The following NAV3 variants were observed in gnomAD, a reference collection of about 807,000 sequenced individuals.
The protein encoded by NAV3 is pore membrane and/or filament interacting like protein 1.
In NAV3, 87 loss-of-function variants were observed where a neutral mutation model predicts 244.7. That is an observed-to-expected ratio of 0.36 (90% CI 0.30 to 0.42). NAV3 has a LOEUF of 0.42. Ranked by LOEUF, NAV3 falls within the 20% of genes least tolerant of loss-of-function variation. The pLI is 1.00. For synonymous variants in NAV3, 1,126 were observed against 1,042.2 expected, an observed-to-expected ratio of 1.08 and a Z score of -1.55; for missense variants, 2,663 against 2,893.3, an observed-to-expected ratio of 0.92 and a Z score of 1.83.
intron 8 of NAV3, chr12:78,010,950 A>G (rs575936379): frequency 6.6e-6 from 1 of 152,142 alleles, no homozygotes; most frequent in South Asian, 2.1e-4. Flanking sequence ...AAGTTAATAG[A>G]TTTCCTATTA....
chr12:78,155,749 CT>C (rs991930874), intron 22 of NAV3, among the ~76,000 whole-genome samples: 10 of 151,468 alleles, frequency 6.6e-5, no homozygotes, highest in African/African-American at 1.2e-4. Flanking sequence ...TGATGTTACC[CT>C]TTTTTTTATA....
At chr12:77,765,230 C>T (rs973291554) in intron 2 of NAV3, among the ~76,000 whole-genome samples, 1 of 152,178 alleles carries the variant, frequency 6.6e-6, no homozygotes, top group Admixed American at 6.5e-5. Context: ...ACCCTTTTGC[C>T]AGCCACTTTG....
rs1355181839 is a variant in NAV3 at position 77,997,244 on chromosome 12, A to G, written c.741-1093A>G. ...CAGAGTGACACCCTGTCTCAAAAAA[A>G]AAAAAAAAAAAAAAAAAGAATGTCA... On this transcript the variant is annotated intron_variant, in intron 6 of 39. Coordinates refer to ENST00000397909, the MANE Select transcript of NAV3 (RefSeq NM_001024383.2). Among the ~76,000 whole-genome samples the G allele has an allele frequency of 2.7e-4, 41 of 151,084 alleles. No individual in the cohort carries two copies. The East Asian group carries it at 7.2e-3, about 26-fold the overall frequency.
intron 36 of NAV3, 31 bp downstream of exon 36, chr12:78,198,707 GT>G (rs112390179): frequency 1.0e-5 from 6 of 589,066 alleles, no homozygotes; most frequent in African/African-American, 6.0e-5. Context: ...TTTTTGTTTT[GT>G]TTTTTTGTTT....
chr12:77,724,071 GTAAA>G (rs1876767301), intron 2 of NAV3, among the ~76,000 whole-genome samples: 1 of 151,694 alleles, frequency 6.6e-6, no homozygotes, highest in Admixed American at 6.6e-5. Context: ...AGTTTACTGT[GTAAA>G]TAAATGAGAT....
At chr12:78,134,990 C>T (rs546294138) in intron 18 of NAV3, among the ~76,000 whole-genome samples, 3 of 152,062 alleles carry the variant, frequency 2.0e-5, no homozygotes, top group East Asian at 3.9e-4. Flanking sequence ...CTCTTGGCTT[C>T]GAATGGATCT....
At chr12:77,688,397 T>C (rs920213971) in intron 2 of NAV3, among the ~76,000 whole-genome samples, 5 of 152,054 alleles carry the variant, frequency 3.3e-5, no homozygotes, top group African/African-American at 1.2e-4. Flanking sequence ...TACTTTTTTA[T>C]TGTCTACTTT....
intron 2 of NAV3, among the ~76,000 whole-genome samples, chr12:77,808,043 C>G (rs537268421): frequency 5.2e-4 from 79 of 152,288 alleles, no homozygotes; most frequent in African/African-American, 1.9e-3. Flanking sequence ...TTATGTTCTT[C>G]TCTCAACTGG....
rs1350161105 is a variant in NAV3, at chr12:77,691,329, G to GTATATATATATATATATATA, written c.72+119066_72+119067insATATATATATATATATATAT. 2.8e-4 allele frequency among the ~76,000 whole-genome samples: 19 copies of GTATATATATATATATATATA among 66,696 alleles called. 1 individual carries two copies. Among genetic ancestry groups the GTATATATATATATATATATA allele is most frequent in the Admixed American group, 5.8e-4 (3 of 5,140 alleles). 43.8% of individuals were successfully genotyped at this position (66,696 alleles called of 152,430 possible). A position where few individuals can be genotyped will look rare whatever the true frequency, so the allele number is the denominator to read the frequency against. On this transcript the variant is annotated intron_variant, in intron 2 of 8. Transcript: ENST00000550042. ...TATATAGTCATATATAAGTATTTGT[G>GTATATATATATATATATATA]TATGTGTGTATATATATATATATAT...
intron 2 of NAV3, among the ~76,000 whole-genome samples, chr12:77,821,161 T>A (rs1412181701): frequency 6.6e-6 from 1 of 151,986 alleles, no homozygotes; most frequent in Non-Finnish European, 1.5e-5. Context: ...CTGCATGATC[T>A]GAAAAAGACA....
intron 9 of NAV3, among the ~76,000 whole-genome samples, chr12:78,048,921 G>A (rs368757647): frequency 6.6e-6 from 1 of 152,226 alleles, no homozygotes; most frequent in Non-Finnish European, 1.5e-5. Context: ...CCCGCCCAGA[G>A]AGGAGGAATC....
chr12:78,200,846 T>C (rs1008096415), intron 38 of NAV3, among the ~76,000 whole-genome samples: 1 of 151,890 alleles, frequency 6.6e-6, no homozygotes, highest in African/African-American at 2.4e-5. Context: ...GTCATGGATG[T>C]TTACAGGTTG....
intron 5 of NAV3, among the ~76,000 whole-genome samples, chr12:77,976,376 A>G (rs1868373933): frequency 6.6e-6 from 1 of 152,156 alleles, no homozygotes; most frequent in Non-Finnish European, 1.5e-5. Context: ...GTTGAAGAAG[A>G]GAACTGAGGC....
intron 2 of NAV3, among the ~76,000 whole-genome samples, chr12:77,691,305 A>T (rs1356313000): frequency 7.2e-6 from 1 of 138,384 alleles, no homozygotes; most frequent in Non-Finnish European, 1.6e-5. Flanking sequence ...AGAGGAATCT[A>T]TATAGTCATA....
intron 1 of NAV3, among the ~76,000 whole-genome samples, chr12:77,882,124 T>C (rs1882724004): frequency 6.6e-6 from 1 of 152,006 alleles, no homozygotes; most frequent in African/African-American, 2.4e-5. Context: ...GCCAAAGCGA[T>C]CTCACACGAA....
intron 1 of NAV3, among the ~76,000 whole-genome samples, chr12:77,895,317 G>GTGTGTGTGTGTA (rs1361964972): frequency 2.0e-5 from 3 of 151,562 alleles, no homozygotes; most frequent in African/African-American, 7.3e-5. Context: ...GATTGTGTGT[G>GTGTGTGTGTGTA]TGTGTGTGTG....
intron 1 of NAV3, among the ~76,000 whole-genome samples, chr12:77,879,708 A>AAAAAC (rs1882379107): frequency 6.7e-6 from 1 of 148,964 alleles, no homozygotes; most frequent in African/African-American, 2.5e-5. Flanking sequence ...AAAAAAAAAA[A>AAAAAC]GGAAATTATT....
At chr12:77,591,654 A>G (rs76191733) in intron 2 of NAV3, among the ~76,000 whole-genome samples, 1 of 152,186 alleles carries the variant, frequency 6.6e-6, no homozygotes, top group African/African-American at 2.4e-5. Flanking sequence ...ATTTAAACAT[A>G]TAACATGTTA....
In NAV3 at chr12:77,961,919, A is replaced by G. The variant is rs75331113; in HGVS notation, c.415-4310A>G. 4.3e-3 allele frequency among the ~76,000 whole-genome samples: 646 copies of G among 151,908 alleles called. 18 individuals carry two copies. The East Asian group carries it at 0.054, about 13-fold the overall frequency. On this transcript the variant is annotated intron_variant, in intron 3 of 39. Transcript: ENST00000397909. The stretch of plus-strand genomic sequence containing the variant: ...ATATATACTTTAATATTTAATTTAG[A>G]TATTTGAGCATTTGCTATTTGATAA...
Sources: allele counts gnomAD v4.1 joint callset (sites outside exome capture counted in the v4.1 genomes callset), GRCh38; gene constraint gnomAD v4.1.1; transcripts MANE v1.5; gene names NCBI Gene and HGNC (gene_info 2026-07-23, HGNC 2026-07-21).